The following HDGFL2 variants were observed in gnomAD, a reference collection of about 807,000 sequenced individuals.
HDGFL2 encodes hepatoma-derived growth factor-related protein 2.
HDGFL2 carries 36 observed loss-of-function variants against 77.1 expected under a neutral mutation model. The ratio of observed to expected loss-of-function variants is 0.47; its 90% CI spans 0.36 to 0.62. HDGFL2 has a LOEUF of 0.62. Among genes scored for constraint, HDGFL2 ranks in the 20% least tolerant of loss-of-function variants. The pLI is 0.00. For synonymous variants in HDGFL2, 463 were observed against 413.1 expected (o/e 1.12, Z -1.46); for missense variants, 976 against 973.4 (o/e 1.00, Z -0.04).
At position 4,488,695 on chromosome 19, in the gene HDGFL2, G is replaced by A. The variant is rs1231601299; in HGVS notation, c.308G>A (p.Ser103Asn). Residue 103 changes from serine (S) to asparagine (N), a missense_variant, in exon 4 of 16, where the codon AGC becomes AAC. Coordinates refer to ENST00000616600, the MANE Select transcript of HDGFL2 (RefSeq NM_001001520.3). Reference sequence around the variant, plus strand: ...CCACAGCCAGTGAGCTCCTCCGACAGCGAGGCCCCCGAGGCCAACCCCGCC... The same window carrying A: ...CCACAGCCAGTGAGCTCCTCCGACAACGAGGCCCCCGAGGCCAACCCCGCC... ...SAPPPVSSSD[S>N]EAPEANPADG... The A allele has an allele frequency of 3.9e-6, 6 of 1,547,026 alleles. No homozygotes were observed. The highest frequency in any genetic ancestry group is 5.2e-6 in the Non-Finnish European group (6 of 1,147,780).
In HDGFL2 at chr19:4,472,438, AGAT is replaced by A. The variant is rs777743368; in HGVS notation, c.72+18_72+20del. On this transcript the variant is annotated intron_variant, in intron 1 of 15. Coordinates refer to ENST00000616600, the MANE Select transcript of HDGFL2 (RefSeq NM_001001520.3). The stretch of plus-strand genomic sequence containing the variant: ...GCCTGCCAGGGTGAGGCCGCGCGGG[AGAT>A]GGGGCCGGTGGGGGGGGGGGGGGGG... 3.2e-4 allele frequency: 52 copies of A among 162,378 alleles called. No individual in the cohort carries two copies. In the South Asian group the frequency reaches 4.7e-3, roughly 15 times the overall value. 10.1% of individuals were successfully genotyped at this position (162,378 alleles called of 1,614,324 possible).
intron 11 of HDGFL2, 118 bp downstream of exon 11, chr19:4,498,149 C>A: frequency 1.7e-6 from 2 of 1,201,188 alleles, no homozygotes; most frequent in Non-Finnish European, 2.4e-6. Flanking sequence ...ACATCCTCGG[C>A]CGGCCTGGCC....
intron 3 of HDGFL2, among the ~76,000 whole-genome samples, chr19:4,475,958 C>T (rs1568202935): frequency 6.6e-6 from 1 of 151,316 alleles, no homozygotes; most frequent in Non-Finnish European, 1.5e-5. Flanking sequence ...GGCGCGATCT[C>T]GGCTCACTGC....
chr19:4,490,710 T>C (rs1975483476), intron 4 of HDGFL2, among the ~76,000 whole-genome samples: 1 of 152,184 alleles, frequency 6.6e-6, no homozygotes, highest in Admixed American at 6.5e-5. Flanking sequence ...TTATAGTAGA[T>C]AACTTGGAAA....
Position 4,501,250 on chromosome 19 carries a change from A to G in HDGFL2, c.1849A>G (p.Lys617Glu). The change falls in exon 15 of 16, where the codon AAG becomes GAG. Residue 617 changes from lysine (K) to glutamate (E), a missense_variant. Lys to Glu is a moderately conservative substitution (Grantham distance 56). This residue lies in a region of HDGFL2 where 229 missense variants were observed against 187.3 expected (regional missense o/e 1.22). Transcript: ENST00000616600. ...TSQKGESAED[K>E]EHEEGRDSEE... Reference sequence around the variant, plus strand: ...ACAGAAGGGGGAGAGCGCAGAGGACAAGGAGCACGAGGAGGGTCGGGACTC... The same window carrying G: ...ACAGAAGGGGGAGAGCGCAGAGGACGAGGAGCACGAGGAGGGTCGGGACTC... 6.2e-7 allele frequency: 1 copy of G among 1,613,740 alleles called. No homozygotes were observed. Among genetic ancestry groups the G allele is most frequent in the South Asian group, 1.1e-5 (1 of 91,068 alleles).
chr19:4,493,096 G>GTGTGGTGTGTGGTGTGTGTGTTGTCT (rs146818161), intron 6 of HDGFL2, among the ~76,000 whole-genome samples: 3 of 42,186 alleles, frequency 7.1e-5, no homozygotes, highest in African/African-American at 1.1e-4. Flanking sequence ...TTATCTGTGT[G>GTGTGGTGTGTGGTGTGTGTGTTGTCT]GTGTGTGGTG....
intron 10 of HDGFL2, chr19:4,497,026 C>G (rs1975721925): frequency 2.6e-6 from 1 of 390,188 alleles, no homozygotes; most frequent in Admixed American, 3.0e-5. Flanking sequence ...AGGCACCCGC[C>G]ACCACGCCTG....
intron 3 of HDGFL2, among the ~76,000 whole-genome samples, chr19:4,479,265 A>G (rs1423993273): frequency 6.6e-6 from 1 of 151,682 alleles, no homozygotes. Flanking sequence ...ACTGGCCAAC[A>G]GAATGAAACC....
intron 3 of HDGFL2, among the ~76,000 whole-genome samples, chr19:4,476,014 T>C (rs1295283898): frequency 6.6e-6 from 1 of 151,130 alleles, no homozygotes; most frequent in Non-Finnish European, 1.5e-5. Context: ...CTCAGCCTCC[T>C]GAGTAGCTGG....
At position 4,494,055 on chromosome 19, in the gene HDGFL2, C is replaced by G; in HGVS notation, c.912C>G (p.Asp304Glu). The change falls in exon 8 of 16, where the codon GAC (aspartate) becomes GAG (glutamate). Residue 304 changes from aspartate (D) to glutamate (E), a missense_variant and splice_region_variant. Asp to Glu is a conservative substitution (Grantham distance 45). Transcript: ENST00000616600. ...PERPPSSSSS[D>E]SDSDEVDRIS... ...GGCCTCCGTCCAGCTCCAGCAGTGA[C>G]AGGTGGGTGCTGGGGCTGGGGTCCC... 3.7e-6 allele frequency: 6 copies of G among 1,605,306 alleles called. No individual in the cohort carries two copies. The highest frequency in any genetic ancestry group is 5.1e-6 in the Non-Finnish European group (6 of 1,176,488).
At chr19:4,474,698 C>A (rs117511760) in intron 1 of HDGFL2, among the ~76,000 whole-genome samples, 8 of 152,150 alleles carry the variant, frequency 5.3e-5, no homozygotes, top group African/African-American at 9.7e-5. Context: ...CCCCGTCCCC[C>A]CTTCTCCAGC....
rs187025087 is a variant in HDGFL2 at position 4,491,453 on chromosome 19, C to T, written c.490-113C>T. ...TCAGGTTCTCAGAGGGTTCCTGGCC[C>T]GCCAGAGAGGTTCCAGAGCTCAGCT... On this transcript the variant is annotated intron_variant, in intron 4 of 15. Coordinates refer to ENST00000616600, the MANE Select transcript of HDGFL2 (RefSeq NM_001001520.3). The T allele has an allele frequency of 6.2e-5, 52 of 838,412 alleles. 1 individual carries two copies. The highest frequency in any genetic ancestry group is 4.5e-4 in the South Asian group (28 of 62,754). 51.9% of individuals were successfully genotyped at this position (838,412 alleles called of 1,614,324 possible). A position where few individuals can be genotyped will look rare whatever the true frequency, so the allele number is the denominator to read the frequency against.
intron 3 of HDGFL2, among the ~76,000 whole-genome samples, chr19:4,479,615 C>T (rs1411498335): frequency 6.9e-6 from 1 of 145,246 alleles, no homozygotes; most frequent in Non-Finnish European, 1.5e-5. Flanking sequence ...AACCCCGCCT[C>T]TACCCAAACT....
Position 4,499,680 on chromosome 19 carries a change from A to C in HDGFL2, c.1765A>C (p.Lys589Gln). The C allele has an allele frequency of 6.4e-7, 1 of 1,562,550 alleles. No individual in the cohort carries two copies. The highest frequency in any genetic ancestry group is 8.7e-7 in the Non-Finnish European group (1 of 1,149,932). ...GGCCGGGGAGGAGGCCCCCCAGGAG[A>C]AGGCGGAGGACAAGCCCAGCACCGG... ...ELAGEEAPQE[K>Q]AEDKPSTDLS... The change falls in exon 14 of 16, where the codon AAG (lysine) becomes CAG (glutamine). Residue 589 changes from lysine to glutamine, a missense_variant. This residue lies in a region of HDGFL2 where 229 missense variants were observed against 187.3 expected (regional missense o/e 1.22). Coordinates refer to ENST00000616600, the MANE Select transcript of HDGFL2 (RefSeq NM_001001520.3).
chr19:4,499,597 T>A lies in HDGFL2; in HGVS notation c.1682T>A (p.Val561Glu). 6.2e-7 allele frequency: 1 copy of A among 1,608,476 alleles called. No homozygotes were observed. The highest frequency in any genetic ancestry group is 1.7e-4 in the Middle Eastern group (1 of 6,052). ...CCAAAGATCGAGGCGGTGCAGAAAG[T>A]GAACAAGGCTGGGATGGAGAAGGAG... is the stretch of plus-strand genomic sequence containing the variant. ...LGPKIEAVQK[V>E]NKAGMEKEKA... The change falls in exon 14 of 16, where the codon GTG becomes GAG. Residue 561 changes from valine (V) to glutamate (E), a missense_variant. Val to Glu is a moderately radical substitution (Grantham distance 121). Transcript: ENST00000616600.
intron 3 of HDGFL2, among the ~76,000 whole-genome samples, chr19:4,485,913 T>C (rs930449718): frequency 2.1e-3 from 165 of 78,412 alleles, no homozygotes; most frequent in African/African-American, 7.4e-3. Flanking sequence ...GTTAGCCAGG[T>C]GTGGTGGTGC....
rs1716903104 is a variant in HDGFL2, at chr19:4,499,640, G to A, written c.1725G>A (p.Leu575=). The A allele has an allele frequency of 1.9e-6, 3 of 1,586,690 alleles. No homozygotes were observed. In the African/African-American group the frequency reaches 4.0e-5, roughly 21 times the overall value. ...GMEKEKAEEK[L]AGEELAGEEA... is the part of the protein sequence containing the mutation. ...AGAAGGAGAAGGCCGAGGAGAAGCTGGCCGGGGAGGAGCTGGCCGGGGAGG... is the reference window on the plus strand; with the variant it reads ...AGAAGGAGAAGGCCGAGGAGAAGCTAGCCGGGGAGGAGCTGGCCGGGGAGG... The change falls in exon 14 of 16, where the codon CTG becomes CTA. Residue 575 remains leucine, a synonymous_variant. Coordinates refer to ENST00000616600, the MANE Select transcript of HDGFL2 (RefSeq NM_001001520.3).
chr19:4,494,279 G>A lies in HDGFL2; in HGVS notation c.1028G>A (p.Arg343Gln). The A allele has an allele frequency of 6.9e-7, 1 of 1,452,358 alleles. No individual in the cohort carries two copies. Among genetic ancestry groups the A allele is most frequent in the Non-Finnish European group, 9.0e-7 (1 of 1,106,556 alleles). 90.0% of individuals were successfully genotyped at this position (1,452,358 alleles called of 1,614,324 possible). ...REQEEELRRL[R>Q]EQEKEEKERR... is the part of the protein sequence containing the mutation. Reference sequence around the variant, plus strand: ...CAGGAGGAGGAGCTGCGGCGCCTGCGGGAGCAGGAGAAGGAGGAGAAGGAG... The same window carrying A: ...CAGGAGGAGGAGCTGCGGCGCCTGCAGGAGCAGGAGAAGGAGGAGAAGGAG... Residue 343 changes from arginine to glutamine, a missense_variant, in exon 9 of 16, where the codon CGG becomes CAG. Physicochemically the swap from Arg to Gln is conservative, Grantham distance 43. Transcript: ENST00000616600.
chr19:4,478,340 C>G (rs1205092556), intron 3 of HDGFL2, among the ~76,000 whole-genome samples: 1 of 151,506 alleles, frequency 6.6e-6, no homozygotes, highest in African/African-American at 2.4e-5. Flanking sequence ...GTAGCTGGGA[C>G]TATGGGCGCC....
Sources: gnomAD v4.1 joint callset for allele counts (sites outside exome capture counted in the v4.1 genomes callset) on GRCh38, gnomAD v4.1.1 for gene constraint, gnomAD v4.1.1 regional missense constraint, MANE v1.5 for transcripts, NCBI Gene and HGNC (gene_info 2026-07-23, HGNC 2026-07-21) for gene names.